Variants in CNTNAP2 observed in about 807,000 individuals in gnomAD.
CNTNAP2 encodes the protein contactin associated protein 2.
CNTNAP2 carries 98 observed loss-of-function variants against 155.2 expected under a neutral mutation model. That is an observed-to-expected ratio of 0.63 (90% CI 0.54 to 0.75). The LOEUF (loss-of-function observed/expected upper bound fraction) is 0.75, where lower values mean the gene tolerates loss of function less well. CNTNAP2 is among the 30% of genes least tolerant of loss of function. CNTNAP2 has a pLI of 0.00. For missense variants in CNTNAP2, 1,727 were observed against 1,688.1 expected, an observed-to-expected ratio of 1.02 and a Z score of -0.40; for synonymous variants, 651 against 631.2, an observed-to-expected ratio of 1.03 and a Z score of -0.47.
chr7:147,604,382 A>G (rs1801021077), intron 12 of CNTNAP2, among the ~76,000 whole-genome samples: 1 of 152,152 alleles, frequency 6.6e-6, no homozygotes. Context: ...TACAAGAAAA[A>G]AACAGTCTAT....
chr7:146,355,428 G>C (rs976301791), intron 1 of CNTNAP2, among the ~76,000 whole-genome samples: 31 of 152,276 alleles, frequency 2.0e-4, no homozygotes, highest in African/African-American at 7.2e-4. Context: ...TTTCATTCAA[G>C]TCCATAAAGT....
chr7:148,139,575 G>GT (rs1805019333), intron 16 of CNTNAP2, among the ~76,000 whole-genome samples: 1 of 152,076 alleles, frequency 6.6e-6, no homozygotes, highest in Admixed American at 6.5e-5. Context: ...CTGGTCTGGA[G>GT]TGCAGTGGCG....
At chr7:147,609,390 G>A (rs1379009459) in intron 12 of CNTNAP2, among the ~76,000 whole-genome samples, 1 of 152,124 alleles carries the variant, frequency 6.6e-6, no homozygotes, top group African/African-American at 2.4e-5. Flanking sequence ...AATTAGCCAG[G>A]CATGGTGGCG....
intron 17 of CNTNAP2, among the ~76,000 whole-genome samples, chr7:148,164,338 T>A (rs976482660): frequency 6.6e-6 from 1 of 152,164 alleles, no homozygotes; most frequent in Non-Finnish European, 1.5e-5. Flanking sequence ...GAATTGCAAC[T>A]TGGGAAGGCC....
intron 3 of CNTNAP2, among the ~76,000 whole-genome samples, chr7:146,870,043 TC>T (rs1795275388): frequency 6.6e-6 from 1 of 152,146 alleles, no homozygotes; most frequent in South Asian, 2.1e-4. Context: ...CCTGAAGTTT[TC>T]TTTTTTGTGT....
intron 1 of CNTNAP2, among the ~76,000 whole-genome samples, chr7:146,664,462 C>T (rs1371958761): frequency 2.0e-5 from 3 of 151,970 alleles, no homozygotes; most frequent in Admixed American, 6.6e-5. Context: ...TGCCCAGCCC[C>T]ATGGATTGGT....
chr7:146,453,705 C>T (rs572502580), intron 1 of CNTNAP2, among the ~76,000 whole-genome samples: 92 of 152,024 alleles, frequency 6.1e-4, no homozygotes, highest in Non-Finnish European at 9.0e-4. Flanking sequence ...GAATGATGAG[C>T]GAGCATGAAA....
At chr7:146,366,855 T>C (rs764399071) in intron 1 of CNTNAP2, among the ~76,000 whole-genome samples, 32 of 152,136 alleles carry the variant, frequency 2.1e-4, no homozygotes, top group Non-Finnish European at 4.4e-4. Flanking sequence ...AGATTTACTT[T>C]TGGAAAATGA....
chr7:148,077,213 A>G (rs1585113516), intron 15 of CNTNAP2, among the ~76,000 whole-genome samples: 1 of 152,164 alleles, frequency 6.6e-6, no homozygotes, highest in East Asian at 1.9e-4. Flanking sequence ...AGGCTGAGGC[A>G]GGAGAATCGC....
chr7:146,178,487 T>G (rs1292530567), intron 1 of CNTNAP2, among the ~76,000 whole-genome samples: 1 of 152,216 alleles, frequency 6.6e-6, no homozygotes. Context: ...ATTTAGATAT[T>G]ACTCCATACA....
chr7:146,749,248 T>C (rs1434710538), intron 1 of CNTNAP2, among the ~76,000 whole-genome samples: 1 of 152,158 alleles, frequency 6.6e-6, no homozygotes, highest in Non-Finnish European at 1.5e-5. Context: ...TATCTATACA[T>C]ATATGTGTAT....
intron 13 of CNTNAP2, among the ~76,000 whole-genome samples, chr7:147,900,159 T>C (rs4431524): frequency 0.3 from 45,998 of 151,990 alleles, 7,114 homozygotes; most frequent in Middle Eastern, 0.43. Flanking sequence ...TTTTCTCCCA[T>C]CACCCTGGCT....
chr7:148,050,169 G>A (rs1029854538), intron 15 of CNTNAP2, among the ~76,000 whole-genome samples: 8 of 152,190 alleles, frequency 5.3e-5, no homozygotes, highest in Admixed American at 1.3e-4. Context: ...CAAACAAACC[G>A]AAACATTAAG....
rs369394487 is a variant in CNTNAP2, at chr7:146,191,402, C to T, written c.97+74429C>T. On this transcript the variant is annotated intron_variant, in intron 1 of 23. Transcript: ENST00000361727. ...TATCACAAGGCAAATGGGGACAGAG[C>T]GAGATCAGAGGACCGTGGTGAAATT... 2.4e-4 allele frequency among the ~76,000 whole-genome samples: 36 copies of T among 152,196 alleles called. No homozygotes were observed. The South Asian group carries it at 6.0e-3, about 25-fold the overall frequency.
chr7:147,044,986 GT>G (rs1799328801), intron 4 of CNTNAP2, among the ~76,000 whole-genome samples: 1 of 152,148 alleles, frequency 6.6e-6, no homozygotes, highest in African/African-American at 2.4e-5. Context: ...ATTATCTCCA[GT>G]TGTGGTTGTT....
chr7:146,918,863 T>C (rs1796445645), intron 3 of CNTNAP2, among the ~76,000 whole-genome samples: 1 of 152,112 alleles, frequency 6.6e-6, no homozygotes, highest in Non-Finnish European at 1.5e-5. Context: ...TTATTGGAGG[T>C]TTGCTCCTTT....
chr7:146,998,065 C>T (rs1798345981), intron 3 of CNTNAP2, among the ~76,000 whole-genome samples: 1 of 151,616 alleles, frequency 6.6e-6, no homozygotes, highest in Non-Finnish European at 1.5e-5. Flanking sequence ...TTATTATTTC[C>T]TCCCTTCCTT....
At chr7:147,033,849 T>C (rs565021120) in intron 3 of CNTNAP2, among the ~76,000 whole-genome samples, 40 of 147,448 alleles carry the variant, frequency 2.7e-4, no homozygotes, top group African/African-American at 8.0e-4. Flanking sequence ...AACTCCCAAA[T>C]TGGGGCTTAG....
intron 10 of CNTNAP2, among the ~76,000 whole-genome samples, chr7:147,426,196 T>A (rs62481224): frequency 6.6e-5 from 10 of 152,058 alleles, no homozygotes; most frequent in African/African-American, 1.4e-4. Context: ...TTTATTTTTT[T>A]AAATAAAAAA....
Sources: gnomAD v4.1 joint callset for allele counts (sites outside exome capture counted in the v4.1 genomes callset) on GRCh38, gnomAD v4.1.1 for gene constraint, MANE v1.5 for transcripts, NCBI Gene and HGNC (gene_info 2026-07-23, HGNC 2026-07-21) for gene names.